IGDCC3: variants seen among roughly 807,000 people sequenced by gnomAD.
IGDCC3 encodes the protein immunoglobulin superfamily DCC subclass member 3.
Under a neutral mutation model 72.0 loss-of-function variants are expected in IGDCC3, and 47 were observed. That is an observed-to-expected ratio of 0.65 (90% CI 0.52 to 0.83). IGDCC3 has a LOEUF of 0.83. Ranked by LOEUF, IGDCC3 falls within the 40% of genes least tolerant of loss-of-function variation. The pLI, the probability that IGDCC3 is intolerant of heterozygous loss-of-function variation, is 0.00. For missense variants in IGDCC3, 1,038 were observed against 1,091.3 expected, an observed-to-expected ratio of 0.95 and a Z score of 0.69; for synonymous variants, 477 against 472.8, an observed-to-expected ratio of 1.01 and a Z score of -0.11.
Position 65,377,620 on chromosome 15 carries a change from T to C in IGDCC3, c.103+66A>G. On this transcript the variant is annotated intron_variant, in intron 1 of 13. Coordinates refer to ENST00000327987, the MANE Select transcript of IGDCC3 (RefSeq NM_004884.4). The surrounding 1 kb of genome is among the most constrained non-coding windows in gnomAD (Gnocchi z 4.9). The stretch of plus-strand genomic sequence containing the variant: ...CCCCGGGTCCGCCCCTCGCGCCCGC[T>C]CCCTCCCTGCTCGCCCTTCCCCTGG... The C allele has an allele frequency of 7.5e-7, 1 of 1,334,988 alleles. No homozygotes were observed. The highest frequency in any genetic ancestry group is 2.0e-5 in the South Asian group (1 of 51,120). The allele number at this position is 1,334,988 out of a possible 1,614,324, so 82.7% of individuals were successfully genotyped here.
intron 2 of IGDCC3, among the ~76,000 whole-genome samples, chr15:65,349,506 T>C (rs150362977): frequency 0.017 from 2,628 of 152,366 alleles, 74 homozygotes; most frequent in African/African-American, 0.06. Flanking sequence ...AGTCTTAAGC[T>C]GGTGTATTTT....
chr15:65,372,330 A>G (rs1386801952), intron 2 of IGDCC3, among the ~76,000 whole-genome samples: 1 of 152,130 alleles, frequency 6.6e-6, no homozygotes, highest in African/African-American at 2.4e-5. Flanking sequence ...TCAGCCCCCA[A>G]ACTACAAGCA....
In IGDCC3 at chr15:65,339,486, G is replaced by T. The variant is rs527416377; in HGVS notation, c.410-3530C>A. 2.0e-4 allele frequency among the ~76,000 whole-genome samples: 30 copies of T among 152,314 alleles called. No individual in the cohort carries two copies. In the South Asian group the frequency reaches 6.0e-3, roughly 30 times the overall value. On this transcript the variant is annotated intron_variant, in intron 2 of 13. Transcript: ENST00000327987. This position sits in a 1 kb window ranked among gnomAD's most constrained non-coding sequence, Gnocchi z 4.1. Reference sequence around the variant, plus strand: ...GAAAAGGGATGTTGAGGCCATTTCGGCCCCCTCTAGTTTCTCAGGGTGGAA... The same window carrying T: ...GAAAAGGGATGTTGAGGCCATTTCGTCCCCCTCTAGTTTCTCAGGGTGGAA...
chr15:65,346,752 C>G (rs2091128343), intron 2 of IGDCC3, among the ~76,000 whole-genome samples: 1 of 152,028 alleles, frequency 6.6e-6, no homozygotes, highest in South Asian at 2.1e-4. Context: ...AGTCATCATG[C>G]CCGGCCGAGA....
chr15:65,343,660 C>T (rs528388548), intron 2 of IGDCC3, among the ~76,000 whole-genome samples: 4 of 152,188 alleles, frequency 2.6e-5, no homozygotes, highest in Middle Eastern at 3.2e-3. Context: ...TGAACTCAGG[C>T]GCCCGATGGC....
rs757252120 is a variant in IGDCC3, at chr15:65,329,766, T to C, written c.1957A>G (p.Ile653Val). 5.0e-6 allele frequency: 8 copies of C among 1,614,078 alleles called. No homozygotes were observed. The highest frequency in any genetic ancestry group is 6.8e-6 in the Non-Finnish European group (8 of 1,180,008). Residue 653 changes from isoleucine to valine, a missense_variant, in exon 12 of 14, where the codon ATC becomes GTC. By Grantham distance (29) the Ile-to-Val change is conservative. Coordinates refer to ENST00000327987, the MANE Select transcript of IGDCC3 (RefSeq NM_004884.4). This position sits in a 1 kb window ranked among gnomAD's most constrained non-coding sequence, Gnocchi z 4.1. ...AACAGGAGGAAGAGGACACAGAAGA[T>C]GATGCAAGTGACCCCGATGTGGATG... Reference protein sequence around the residue: ...IGIHIGVTCIIFCVLFLLFGQ... With the variant: ...IGIHIGVTCIVFCVLFLLFGQ...
intron 2 of IGDCC3, among the ~76,000 whole-genome samples, chr15:65,371,782 T>C (rs1451078735): frequency 1.3e-5 from 2 of 152,194 alleles, no homozygotes; most frequent in East Asian, 3.8e-4. Context: ...TCCATCCTTT[T>C]TGGAGTCATT....
chr15:65,361,334 T>TG (rs1314686384), intron 2 of IGDCC3, among the ~76,000 whole-genome samples: 1 of 150,994 alleles, frequency 6.6e-6, no homozygotes, highest in African/African-American at 2.4e-5. Context: ...CCCAGGTACT[T>TG]GGGAGGCTGA....
intron 2 of IGDCC3, among the ~76,000 whole-genome samples, chr15:65,346,034 A>C (rs1390027693): frequency 1.3e-5 from 2 of 152,158 alleles, no homozygotes; most frequent in Non-Finnish European, 2.9e-5. Flanking sequence ...AACATGCTAG[A>C]CCCTTACTGC....
At position 65,377,862 on chromosome 15, in the gene IGDCC3, C is replaced by T. The variant is rs900631707; in HGVS notation, c.-74G>A. 2.7e-5 allele frequency: 29 copies of T among 1,071,152 alleles called. No homozygotes were observed. In the East Asian group the frequency reaches 1.7e-3, roughly 63 times the overall value. 66.4% of individuals were successfully genotyped at this position (1,071,152 alleles called of 1,614,324 possible). A position where few individuals can be genotyped will look rare whatever the true frequency, so the allele number is the denominator to read the frequency against. On this transcript the variant is annotated 5_prime_UTR_variant, in exon 1 of 14. Coordinates refer to ENST00000327987, the MANE Select transcript of IGDCC3 (RefSeq NM_004884.4). The surrounding 1 kb of genome is among the most constrained non-coding windows in gnomAD (Gnocchi z 4.9). ...CGCGGCTCACAGCGTCCCGCGGGGC[C>T]GGCGCCGGGGCCGGGGCTGGGGCTC...
intron 1 of IGDCC3, among the ~76,000 whole-genome samples, chr15:65,376,303 A>G (rs1171331102): frequency 6.6e-6 from 1 of 152,272 alleles, no homozygotes; most frequent in African/African-American, 2.4e-5. Flanking sequence ...GTTAAGGCCA[A>G]TCAGAGAATC....
intron 2 of IGDCC3, among the ~76,000 whole-genome samples, chr15:65,355,523 G>T (rs1387007288): frequency 6.7e-6 from 1 of 149,924 alleles, no homozygotes; most frequent in East Asian, 1.9e-4. Flanking sequence ...GAGCCCGGAG[G>T]ACGCGGCGGG....
chr15:65,347,968 A>AAG (rs2091139950), intron 2 of IGDCC3, among the ~76,000 whole-genome samples: 1 of 140,846 alleles, frequency 7.1e-6, no homozygotes, highest in African/African-American at 2.6e-5. Flanking sequence ...CAACAACAAA[A>AAG]CAAACAAACA....
chr15:65,337,811 G>A (rs2091044711), intron 2 of IGDCC3, among the ~76,000 whole-genome samples: 1 of 152,146 alleles, frequency 6.6e-6, no homozygotes, highest in Non-Finnish European at 1.5e-5. Flanking sequence ...TCGAAGATGG[G>A]GAGCTGCCAG....
intron 2 of IGDCC3, among the ~76,000 whole-genome samples, chr15:65,357,072 G>A (rs1351343088): frequency 3.3e-5 from 5 of 151,596 alleles, no homozygotes; most frequent in African/African-American, 1.2e-4. Context: ...GGCTGGTCTC[G>A]AACTCCTGAC....
chr15:65,342,334 C>T (rs1179109236), intron 2 of IGDCC3, among the ~76,000 whole-genome samples: 2 of 150,806 alleles, frequency 1.3e-5, no homozygotes, highest in Non-Finnish European at 2.9e-5. Flanking sequence ...TGGGGTGAGC[C>T]GAGATCACGC....
intron 2 of IGDCC3, among the ~76,000 whole-genome samples, chr15:65,362,254 C>T (rs1258580137): frequency 2.6e-5 from 4 of 152,092 alleles, no homozygotes; most frequent in Non-Finnish European, 5.9e-5. Flanking sequence ...CACATTCCAC[C>T]TAGGAGGAAA....
intron 2 of IGDCC3, among the ~76,000 whole-genome samples, chr15:65,371,625 T>A (rs1052614189): frequency 2.6e-5 from 4 of 152,142 alleles, no homozygotes; most frequent in Non-Finnish European, 5.9e-5. Flanking sequence ...CTCAGTAAGG[T>A]TTGGGAAGTC....
chr15:65,355,677 G>T, intron 2 of IGDCC3: 1 of 26,768 alleles, frequency 3.7e-5, no homozygotes. Flanking sequence ...CGCCCCTCCC[G>T]CATAGCAATA....
Sources: allele counts gnomAD v4.1 joint callset (sites outside exome capture counted in the v4.1 genomes callset), GRCh38; gene constraint gnomAD v4.1.1; non-coding constraint Gnocchi (gnomAD v3.1); transcripts MANE v1.5; gene names NCBI Gene and HGNC (gene_info 2026-07-23, HGNC 2026-07-21).